Variants in DLGAP1 observed in about 807,000 individuals in gnomAD.
DLGAP1 encodes the protein DLG associated protein 1, also known as disks large-associated protein 1.
DLGAP1 carries 11 observed loss-of-function variants against 90.8 expected under a neutral mutation model. The observed-to-expected ratio is 0.12, with a 90% CI of 0.08 to 0.20. DLGAP1 has a LOEUF of 0.20. DLGAP1 is among the 10% of genes least tolerant of loss of function. The pLI, the probability that DLGAP1 is intolerant of heterozygous loss-of-function variation, is 1.00. For synonymous variants in DLGAP1, 558 were observed against 540.7 expected (o/e 1.03, Z -0.44); for missense variants, 1,050 against 1,333.8 (o/e 0.79, Z 3.31).
chr18:3,674,292 T>A (rs568318943), intron 7 of DLGAP1, among the ~76,000 whole-genome samples: 4 of 96,206 alleles, frequency 4.2e-5, no homozygotes, highest in African/African-American at 2.5e-4. Flanking sequence ...CTCTATAATA[T>A]TAAAATATAT....
intron 1 of DLGAP1, among the ~76,000 whole-genome samples, chr18:4,412,916 T>C (rs2082810369): frequency 1.3e-5 from 2 of 152,234 alleles, no homozygotes; most frequent in Admixed American, 1.3e-4. Flanking sequence ...AATGCTGCGA[T>C]GCTCAGTGGT....
At chr18:4,175,226 A>C (rs2077087323) in intron 1 of DLGAP1, among the ~76,000 whole-genome samples, 1 of 152,128 alleles carries the variant, frequency 6.6e-6, no homozygotes, top group Non-Finnish European at 1.5e-5. Context: ...TTCTTTTGAG[A>C]AGTGTCTGTT....
At chr18:4,144,213 C>A (rs966461121) in intron 2 of DLGAP1, among the ~76,000 whole-genome samples, 9 of 152,180 alleles carry the variant, frequency 5.9e-5, no homozygotes, top group African/African-American at 2.2e-4. Flanking sequence ...CCTAGACTAG[C>A]ATTTAAGTTT....
At chr18:3,583,548 T>G (rs1246629061) in intron 7 of DLGAP1, among the ~76,000 whole-genome samples, 1 of 152,196 alleles carries the variant, frequency 6.6e-6, no homozygotes, top group African/African-American at 2.4e-5. Context: ...AGTCTCCTAT[T>G]GTAGAAATTA....
chr18:4,149,663 G>A (rs906219575), intron 2 of DLGAP1, among the ~76,000 whole-genome samples: 1 of 152,206 alleles, frequency 6.6e-6, no homozygotes, highest in African/African-American at 2.4e-5. Context: ...ATCAGTGGCG[G>A]CATTAAATTC....
intron 3 of DLGAP1, among the ~76,000 whole-genome samples, chr18:3,934,917 C>A (rs1031951729): frequency 1.3e-5 from 2 of 152,248 alleles, no homozygotes; most frequent in African/African-American, 4.8e-5. Context: ...GGTTTTAGGA[C>A]AAAGCAGTTC....
At chr18:3,908,220 C>T (rs1170463204) in intron 3 of DLGAP1, among the ~76,000 whole-genome samples, 2 of 152,112 alleles carry the variant, frequency 1.3e-5, no homozygotes, top group East Asian at 3.9e-4. Context: ...GAGAAAAACA[C>T]AATATACAAA....
chr18:3,959,379 A>G (rs1347554222), intron 3 of DLGAP1, among the ~76,000 whole-genome samples: 1 of 152,026 alleles, frequency 6.6e-6, no homozygotes, highest in Middle Eastern at 3.2e-3. Context: ...TCAGAAACAC[A>G]ATTGGGGCCG....
At chr18:4,145,627 G>A (rs1323922347) in intron 2 of DLGAP1, among the ~76,000 whole-genome samples, 1 of 152,102 alleles carries the variant, frequency 6.6e-6, no homozygotes, top group East Asian at 1.9e-4. Context: ...CTTAGTAAAC[G>A]AATCTTCTAT....
chr18:3,580,482 A>G (rs2055426013), intron 8 of DLGAP1: 2 of 1,609,026 alleles, frequency 1.2e-6, no homozygotes, highest in African/African-American at 1.3e-5. Context: ...TTCATTGTCC[A>G]CAAGGTGAGA....
intron 2 of DLGAP1, among the ~76,000 whole-genome samples, chr18:4,088,057 G>T: frequency 6.7e-6 from 1 of 148,562 alleles, no homozygotes; most frequent in Non-Finnish European, 1.5e-5. Flanking sequence ...CTCAACTATT[G>T]ATCTCTTGTT....
intron 2 of DLGAP1, among the ~76,000 whole-genome samples, chr18:4,082,871 T>A (rs1324294791): frequency 6.6e-6 from 1 of 151,994 alleles, no homozygotes; most frequent in Non-Finnish European, 1.5e-5. Flanking sequence ...TGGGGCCCCA[T>A]GTGTTTGCTG....
At chr18:3,948,059 A>C (rs900408800) in intron 3 of DLGAP1, among the ~76,000 whole-genome samples, 2 of 152,194 alleles carry the variant, frequency 1.3e-5, no homozygotes, top group Non-Finnish European at 2.9e-5. Flanking sequence ...AGGCTCAGGA[A>C]GCAAAGTACA....
chr18:4,042,646 A>G (rs1470640940), intron 2 of DLGAP1, among the ~76,000 whole-genome samples: 2 of 152,232 alleles, frequency 1.3e-5, no homozygotes, highest in Non-Finnish European at 2.9e-5. Flanking sequence ...AGGCTGAGGC[A>G]GGAGAATTGC....
intron 4 of DLGAP1, among the ~76,000 whole-genome samples, chr18:3,857,309 G>A (rs1599020584): frequency 6.6e-6 from 1 of 152,188 alleles, no homozygotes; most frequent in Admixed American, 6.5e-5. Flanking sequence ...ATTCAAAATG[G>A]TAAAAAGCTG....
chr18:3,714,824 C>T (rs796652620), intron 7 of DLGAP1, among the ~76,000 whole-genome samples: 27 of 151,762 alleles, frequency 1.8e-4, no homozygotes, highest in African/African-American at 4.8e-4. Flanking sequence ...TTAGTAGAGA[C>T]GGGGTTTCGC....
chr18:3,528,964 G>A lies in DLGAP1; in HGVS notation c.2479+5230C>T, dbSNP rs564954022. ...TCTGGACTAGCCACCTGTCCCACAC[G>A]GAAGTGCTTTCCATCACTTCTGTGG... is the stretch of plus-strand genomic sequence containing the variant. On this transcript the variant is annotated intron_variant, in intron 10 of 12. Transcript: ENST00000315677. 5.3e-5 allele frequency among the ~76,000 whole-genome samples: 8 copies of A among 152,278 alleles called. No homozygotes were observed. The South Asian group carries it at 1.7e-3, about 32-fold the overall frequency.
At chr18:3,614,526 G>T (rs1398761930) in intron 7 of DLGAP1, among the ~76,000 whole-genome samples, 1 of 152,004 alleles carries the variant, frequency 6.6e-6, no homozygotes, top group Non-Finnish European at 1.5e-5. Flanking sequence ...GTATCAAAAA[G>T]AAACTATTCT....
intron 1 of DLGAP1, among the ~76,000 whole-genome samples, chr18:4,395,621 T>C (rs111640341): frequency 1.3e-5 from 2 of 152,210 alleles, no homozygotes; most frequent in South Asian, 2.1e-4. Flanking sequence ...TGGTGTTTTC[T>C]GGTAAAAGTA....
Sources: allele counts gnomAD v4.1 joint callset (sites outside exome capture counted in the v4.1 genomes callset), GRCh38; gene constraint gnomAD v4.1.1; transcripts MANE v1.5; gene names NCBI Gene and HGNC (gene_info 2026-07-23, HGNC 2026-07-21).